The following CDK14 variants were observed in gnomAD, a reference collection of about 807,000 sequenced individuals.
CDK14 encodes cyclin-dependent kinase 14.
In CDK14, 34 loss-of-function variants were observed where a neutral mutation model predicts 60.7. The ratio of observed to expected loss-of-function variants is 0.56; its 90% CI spans 0.43 to 0.75. The LOEUF (loss-of-function observed/expected upper bound fraction) is 0.75. Among genes scored for constraint, CDK14 ranks in the 30% least tolerant of loss-of-function variants. CDK14 has a pLI of 0.00. For missense variants in CDK14, 482 were observed against 564.1 expected, an observed-to-expected ratio of 0.85 and a Z score of 1.47; for synonymous variants, 197 against 203.7, an observed-to-expected ratio of 0.97 and a Z score of 0.28.
intron 10 of CDK14, among the ~76,000 whole-genome samples, chr7:91,029,802 G>A (rs1278039665): frequency 6.6e-6 from 1 of 152,008 alleles, no homozygotes; most frequent in Non-Finnish European, 1.5e-5. Flanking sequence ...TCAAATCTAG[G>A]AATCTTTTCA....
chr7:91,023,323 T>C (rs1343707362), intron 10 of CDK14, among the ~76,000 whole-genome samples: 1 of 152,150 alleles, frequency 6.6e-6, no homozygotes, highest in Non-Finnish European at 1.5e-5. Flanking sequence ...TTGGTTTTTG[T>C]TGGTGATGGG....
chr7:90,810,707 C>T lies in CDK14; in HGVS notation c.544+20055C>T, dbSNP rs542276618. ...GTTTGCAGATGACATGATTGTATAT[C>T]TAGAAAACCCCATCGTCTCAGCCCA... On this transcript the variant is annotated intron_variant, in intron 5 of 14. Coordinates refer to ENST00000380050, the MANE Select transcript of CDK14 (RefSeq NM_001287135.2). Among the ~76,000 whole-genome samples, 1,226 of 152,076 alleles carry T rather than the reference C, an allele frequency of 8.1e-3. 24 individuals are homozygous for T. Among genetic ancestry groups the T allele is most frequent in the African/African-American group, 0.028 (1,178 of 41,482 alleles).
intron 5 of CDK14, among the ~76,000 whole-genome samples, chr7:90,791,744 C>G (rs1805838679): frequency 6.6e-6 from 1 of 152,114 alleles, no homozygotes; most frequent in Admixed American, 6.6e-5. Flanking sequence ...CTTGTCAAGT[C>G]AAATGTATAC....
At position 91,049,630 on chromosome 7, in the gene CDK14, T is replaced by C. The variant is rs1371702060; in HGVS notation, c.1105+3670T>C. On this transcript the variant is annotated intron_variant, in intron 11 of 14. Coordinates refer to ENST00000380050, the MANE Select transcript of CDK14 (RefSeq NM_001287135.2). ...GTTTTCAAATGTATTGCTTTATGGC[T>C]ATGATCTAGGCCATGAATAAATCTC... Among the ~76,000 whole-genome samples the C allele has an allele frequency of 1.3e-5, 2 of 152,256 alleles. 1 individual carries two copies. Among genetic ancestry groups the C allele is most frequent in the South Asian group, 4.1e-4 (2 of 4,836 alleles).
intron 11 of CDK14, among the ~76,000 whole-genome samples, chr7:91,075,601 T>C (rs1798279848): frequency 6.6e-6 from 1 of 152,178 alleles, no homozygotes; most frequent in African/African-American, 2.4e-5. Flanking sequence ...CAACATAGTA[T>C]TGGAAGTCCT....
intron 11 of CDK14, among the ~76,000 whole-genome samples, chr7:91,055,636 A>T (rs1797524832): frequency 1.3e-5 from 2 of 152,186 alleles, no homozygotes; most frequent in Non-Finnish European, 2.9e-5. Flanking sequence ...GCTAAAGTTG[A>T]TATAGAGGGC....
At chr7:91,186,149 T>TCCC (rs1802176735) in intron 14 of CDK14, among the ~76,000 whole-genome samples, 1 of 21,564 alleles carries the variant, frequency 4.6e-5, no homozygotes, top group Non-Finnish European at 9.0e-5. Flanking sequence ...TCTCCTCTCC[T>TCCC]CTCCTCCCCT....
intron 5 of CDK14, among the ~76,000 whole-genome samples, chr7:90,849,106 G>A (rs1308326512): frequency 6.6e-6 from 1 of 152,142 alleles, no homozygotes; most frequent in Non-Finnish European, 1.5e-5. Flanking sequence ...GGGCCTGTTG[G>A]GAGGTGTTTG....
intron 5 of CDK14, among the ~76,000 whole-genome samples, chr7:90,815,714 A>G (rs774777877): frequency 6.6e-6 from 1 of 152,260 alleles, no homozygotes; most frequent in Non-Finnish European, 1.5e-5. Flanking sequence ...TGGCACATGT[A>G]TACCATGGAA....
At chr7:90,813,234 C>G (rs1427146021) in intron 5 of CDK14, among the ~76,000 whole-genome samples, 1 of 152,172 alleles carries the variant, frequency 6.6e-6, no homozygotes, top group Admixed American at 6.5e-5. Flanking sequence ...ACAATCTCAG[C>G]TCCCAGAACT....
chr7:91,028,109 A>G (rs1396916099), intron 10 of CDK14, among the ~76,000 whole-genome samples: 2 of 149,846 alleles, frequency 1.3e-5, no homozygotes, highest in Non-Finnish European at 3.0e-5. Flanking sequence ...TTGCATACCT[A>G]TAGCTTAGCT....
intron 2 of CDK14, among the ~76,000 whole-genome samples, chr7:90,718,788 GC>G (rs1329339562): frequency 5.3e-5 from 8 of 152,122 alleles, no homozygotes; most frequent in Admixed American, 2.0e-4. Flanking sequence ...AGAGAGGAAA[GC>G]ATACTTTTAG....
At chr7:90,925,019 A>AT (rs1219758105) in intron 8 of CDK14, among the ~76,000 whole-genome samples, 1 of 152,204 alleles carries the variant, frequency 6.6e-6, no homozygotes, top group Non-Finnish European at 1.5e-5. Flanking sequence ...CTGCTTATTA[A>AT]TTTTCAATAC....
At chr7:90,754,515 A>G (rs1030342312) in intron 4 of CDK14, among the ~76,000 whole-genome samples, 1 of 152,214 alleles carries the variant, frequency 6.6e-6, no homozygotes, top group Non-Finnish European at 1.5e-5. Flanking sequence ...AAGACCTCGA[A>G]ACTCTAAGAA....
intron 2 of CDK14, among the ~76,000 whole-genome samples, chr7:90,621,471 C>A (rs546856751): frequency 9.2e-4 from 140 of 152,322 alleles, no homozygotes; most frequent in African/African-American, 3.2e-3. Flanking sequence ...GCAGAGACAG[C>A]ATTTCTACCT....
At chr7:91,130,736 CTAGT>C (rs1431237608) in intron 14 of CDK14, among the ~76,000 whole-genome samples, 1 of 152,076 alleles carries the variant, frequency 6.6e-6, no homozygotes, top group East Asian at 1.9e-4. Flanking sequence ...CTCTTGATGA[CTAGT>C]AGACCAAATC....
At chr7:90,835,252 T>G (rs919647347) in intron 5 of CDK14, among the ~76,000 whole-genome samples, 2 of 152,104 alleles carry the variant, frequency 1.3e-5, no homozygotes, top group African/African-American at 2.4e-5. Context: ...GATTGGGATC[T>G]TAAGAAAGAG....
intron 2 of CDK14, among the ~76,000 whole-genome samples, chr7:90,698,076 A>AG (rs554047754): frequency 0.014 from 2,063 of 150,318 alleles, 22 homozygotes; most frequent in Middle Eastern, 0.027. Flanking sequence ...TCAAAAAAAA[A>AG]AAAAAAAAAA....
intron 7 of CDK14, 86 bp from the exon 8 acceptor site, chr7:90,917,515 T>C (rs1793117287): frequency 7.6e-7 from 1 of 1,318,484 alleles, no homozygotes; most frequent in African/African-American, 1.5e-5. Flanking sequence ...TTTCCCTAAA[T>C]ATTAATACAA....
Sources: gnomAD v4.1 joint callset for allele counts (sites outside exome capture counted in the v4.1 genomes callset) on GRCh38, gnomAD v4.1.1 for gene constraint, MANE v1.5 for transcripts, NCBI Gene and HGNC (gene_info 2026-07-23, HGNC 2026-07-21) for gene names.